Variants in MPRIP observed in about 807,000 individuals in gnomAD.
MPRIP encodes myosin phosphatase Rho interacting protein.
In MPRIP, 59 loss-of-function variants were observed where a neutral mutation model predicts 234.9. That is an observed-to-expected ratio of 0.25 (90% CI 0.20 to 0.31). MPRIP has a LOEUF of 0.31. Among genes scored for constraint, MPRIP ranks in the 10% least tolerant of loss-of-function variants. The pLI, the probability that MPRIP is intolerant of heterozygous loss-of-function variation, is 1.00. For missense variants in MPRIP, 2,436 were observed against 3,071.0 expected (o/e 0.79, Z 4.89); for synonymous variants, 1,144 against 1,263.9 (o/e 0.91, Z 2.01).
intron 3 of MPRIP, among the ~76,000 whole-genome samples, chr17:17,100,224 T>C (rs1172580143): frequency 6.6e-6 from 1 of 152,196 alleles, no homozygotes; most frequent in Non-Finnish European, 1.5e-5. Flanking sequence ...AGATCCAAGG[T>C]TTCCAGAGCG....
At chr17:17,102,888 C>A (rs2089991666) in intron 3 of MPRIP, among the ~76,000 whole-genome samples, 1 of 152,346 alleles carries the variant, frequency 6.6e-6, no homozygotes, top group Admixed American at 6.5e-5. Context: ...CTGCCCTTAC[C>A]CAGCCAAACC....
chr17:17,154,028 G>A lies in MPRIP; in HGVS notation c.1720-278G>A, dbSNP rs567562339. ...CTGTCTGAGTGGACAGGCTGCTGGT[G>A]CGTAGTGGGTGCTCAGTAACTGTGA... On this transcript the variant is annotated intron_variant, in intron 12 of 23. Coordinates refer to ENST00000651222, the MANE Select transcript of MPRIP (RefSeq NM_001364716.4). 2.0e-5 allele frequency among the ~76,000 whole-genome samples: 3 copies of A among 151,312 alleles called. No individual in the cohort carries two copies. The East Asian group carries it at 6.0e-4, about 30-fold the overall frequency.
intron 1 of MPRIP, among the ~76,000 whole-genome samples, chr17:17,043,471 T>G (rs745793008): frequency 1.3e-5 from 2 of 152,174 alleles, no homozygotes; most frequent in Non-Finnish European, 2.9e-5. Context: ...AGGAGGGTCT[T>G]GTTCTTGAAC....
In MPRIP at chr17:17,146,088, G is replaced by A. The variant is rs780205828; in HGVS notation, c.1556G>A (p.Gly519Asp). ...KGWLTKQYED[G>D]QWKKHWFVLA... The stretch of plus-strand genomic sequence containing the variant: ...TGGCTGACTAAGCAGTATGAGGACG[G>A]CCAGGTGAGTGTGCAGGGTTGCCGT... The change falls in exon 10 of 24, where the codon GGC becomes GAC. Residue 519 changes from glycine to aspartate, a missense_variant. Around this residue, in one of 4 missense-constraint regions of MPRIP, gnomAD observed 1,998 missense variants for 2,520.3 expected, o/e 0.79. Transcript: ENST00000651222. The A allele has an allele frequency of 7.4e-6, 12 of 1,613,962 alleles. No homozygotes were observed. Among genetic ancestry groups the A allele is most frequent in the Admixed American group, 3.3e-5 (2 of 60,002 alleles).
At chr17:17,055,628 G>A (rs1475729315) in intron 1 of MPRIP, among the ~76,000 whole-genome samples, 1 of 152,160 alleles carries the variant, frequency 6.6e-6, no homozygotes, top group Non-Finnish European at 1.5e-5. Context: ...GCCTGAGAAC[G>A]AGCTCTTCTA....
At chr17:17,126,925 C>T in intron 4 of MPRIP, 72 bp downstream of exon 4, 1 of 1,554,918 alleles carries the variant, frequency 6.4e-7, no homozygotes, top group East Asian at 2.3e-5. Flanking sequence ...GGCCGCCTGC[C>T]CCTGTGGCAG....
In MPRIP at chr17:17,147,253, C is replaced by A. The variant is rs1022207228; in HGVS notation, c.1561-66C>A. ...CCCACAGGCTCTGGCTGCGCACCGC[C>A]GTGGCGTGGCAGGCATGCTGTATAG... On this transcript the variant is annotated intron_variant, in intron 10 of 23. Coordinates refer to ENST00000651222, the MANE Select transcript of MPRIP (RefSeq NM_001364716.4). 13 of 1,494,056 alleles carry A rather than the reference C, an allele frequency of 8.7e-6. No homozygotes were observed. The South Asian group carries it at 1.0e-4, about 12-fold the overall frequency. 92.5% of individuals were successfully genotyped at this position (1,494,056 alleles called of 1,614,324 possible).
intron 3 of MPRIP, among the ~76,000 whole-genome samples, chr17:17,111,872 G>A (rs1287124129): frequency 6.6e-6 from 1 of 152,058 alleles, no homozygotes; most frequent in Admixed American, 6.5e-5. Flanking sequence ...CACCATATCT[G>A]CTGGCTTCTC....
At chr17:17,151,927 G>T (rs1045676324) in intron 12 of MPRIP, among the ~76,000 whole-genome samples, 4 of 152,228 alleles carry the variant, frequency 2.6e-5, no homozygotes, top group African/African-American at 9.6e-5. Flanking sequence ...ACCTGTAGCA[G>T]GGTCATACCT....
Position 17,166,560 on chromosome 17 carries a change from G to T in MPRIP, c.4969G>T (p.Gly1657Cys). 2 of 1,304,236 alleles carry T rather than the reference G, an allele frequency of 1.5e-6. No individual in the cohort carries two copies. Among genetic ancestry groups the T allele is most frequent in the Non-Finnish European group, 2.0e-6 (2 of 988,982 alleles). The allele number at this position is 1,304,236 out of a possible 1,614,324, so 80.8% of individuals were successfully genotyped here. ...AGACGGGCAGCAAAGCATCCCACAG[G>T]GCCTGGCCCCCATCCTGGCCAATGC... ...SGDGQQSIPQGLAPILANATW... is the reference protein window; with the variant it reads ...SGDGQQSIPQCLAPILANATW... The change falls in exon 16 of 24, where the codon GGC becomes TGC. Residue 1657 changes from glycine (G) to cysteine (C), a missense_variant. Physicochemically the swap from Gly to Cys is radical, Grantham distance 159. Transcript: ENST00000651222. This position sits in a 1 kb window ranked among gnomAD's most constrained non-coding sequence, Gnocchi z 4.4.
In MPRIP at chr17:17,057,700, G is replaced by T. The variant is rs1467600457; in HGVS notation, c.123+14729G>T. The T allele has an allele frequency of 4.6e-5, 33 of 717,952 alleles. 1 individual carries two copies. Among genetic ancestry groups the T allele is most frequent in the Non-Finnish European group, 2.6e-6 (1 of 385,230 alleles). 44.5% of individuals were successfully genotyped at this position (717,952 alleles called of 1,614,324 possible). On this transcript the variant is annotated intron_variant, in intron 1 of 23. Transcript: ENST00000651222. The stretch of plus-strand genomic sequence containing the variant: ...ATATATGATGCACGAATGTTCTCAT[G>T]TTGAAGGACAGGAAGAGGAATGGCA...
intron 3 of MPRIP, among the ~76,000 whole-genome samples, chr17:17,096,306 TGTGTGTGTG>T (rs2089843093): frequency 8.6e-6 from 1 of 116,152 alleles, no homozygotes; most frequent in Non-Finnish European, 1.7e-5. Context: ...TGTGTGTGTG[TGTGTGTGTG>T]TGTGTGTGTG....
rs2088202140 is a variant in MPRIP, at chr17:17,042,510, C to G, written c.-339C>G. ...TGCAGCGGCCGCGGGGCGCCGAGGG[C>G]AGCTGCGGCGGCGCGGACGAGCCGG... On this transcript the variant is annotated 5_prime_UTR_variant, in exon 1 of 24. Coordinates refer to ENST00000651222, the MANE Select transcript of MPRIP (RefSeq NM_001364716.4). 3 of 146,762 alleles carry G rather than the reference C, an allele frequency of 2.0e-5. No homozygotes were observed. Among genetic ancestry groups the G allele is most frequent in the African/African-American group, 7.3e-5 (3 of 40,848 alleles). 9.1% of individuals were successfully genotyped at this position (146,762 alleles called of 1,614,324 possible). A position where few individuals can be genotyped will look rare whatever the true frequency, so the allele number is the denominator to read the frequency against.
At chr17:17,091,675 A>G (rs1042740082) in intron 3 of MPRIP, among the ~76,000 whole-genome samples, 2 of 152,136 alleles carry the variant, frequency 1.3e-5, no homozygotes, top group African/African-American at 2.4e-5. Context: ...GGCCCTGCTT[A>G]AAGAGGCAGG....
intron 1 of MPRIP, among the ~76,000 whole-genome samples, chr17:17,062,975 G>A (rs2088912150): frequency 6.6e-6 from 1 of 152,242 alleles, no homozygotes. Context: ...GCACACAGTG[G>A]CACAACTGGA....
Position 17,176,519 on chromosome 17 carries a change from C to G in MPRIP, c.6957+7C>G. ...GCTGCAGACGGCACTGCGGGTAAGG[C>G]CACCGCACCACAGGAGGGCGGGTAC... On this transcript the variant is annotated splice_region_variant and intron_variant, in intron 21 of 23. Transcript: ENST00000651222. 6.2e-7 allele frequency: 1 copy of G among 1,609,124 alleles called. No homozygotes were observed. Among genetic ancestry groups the G allele is most frequent in the Middle Eastern group, 1.7e-4 (1 of 6,058 alleles).
Position 17,177,377 on chromosome 17 carries a change from A to T in MPRIP, c.7085A>T (p.Glu2362Val). Residue 2362 changes from glutamate (E) to valine (V), a missense_variant, in exon 22 of 24, where the codon GAG (glutamate) becomes GTG (valine). Physicochemically the swap from Glu to Val is moderately radical, Grantham distance 121. Coordinates refer to ENST00000651222, the MANE Select transcript of MPRIP (RefSeq NM_001364716.4). Reference protein sequence around the residue: ...QLKAATEALGEKSPDSATVSG... With the variant: ...QLKAATEALGVKSPDSATVSG... ...AAGGCTGCAACGGAAGCACTGGGGG[A>T]GAAGTCCCCTGACAGTGCCACGGTG... 1 of 1,613,810 alleles carries T rather than the reference A, an allele frequency of 6.2e-7. No individual in the cohort carries two copies. Among genetic ancestry groups the T allele is most frequent in the Non-Finnish European group, 8.5e-7 (1 of 1,180,022 alleles).
At chr17:17,163,220 C>T (rs928358830) in intron 15 of MPRIP, among the ~76,000 whole-genome samples, 2 of 152,160 alleles carry the variant, frequency 1.3e-5, no homozygotes, top group Admixed American at 1.3e-4. Context: ...GTAACTTGAA[C>T]TTAACATAAC....
intron 3 of MPRIP, among the ~76,000 whole-genome samples, chr17:17,105,411 G>A (rs189278906): frequency 2.6e-5 from 4 of 152,274 alleles, no homozygotes; most frequent in African/African-American, 7.2e-5. Context: ...AGGCGGAGTC[G>A]GTCTTGAAAC....
Sources: allele counts gnomAD v4.1 joint callset (sites outside exome capture counted in the v4.1 genomes callset), GRCh38; gene constraint gnomAD v4.1.1; regional missense constraint gnomAD v4.1.1; non-coding constraint Gnocchi (gnomAD v3.1); transcripts MANE v1.5; gene names NCBI Gene and HGNC (gene_info 2026-07-23, HGNC 2026-07-21).